Variants in APH1B observed in about 807,000 individuals in gnomAD.
APH1B encodes the protein aph-1B gamma-secretase subunit.
A neutral mutation model predicts 28.2 loss-of-function variants in APH1B; 27 were observed. That is an observed-to-expected ratio of 0.96 (90% CI 0.70 to 1.32). The LOEUF (loss-of-function observed/expected upper bound fraction) is 1.32. APH1B is among the 40% of genes most tolerant of loss of function. The pLI, the probability that APH1B is intolerant of heterozygous loss-of-function variation, is 0.00. For synonymous variants in APH1B, 141 were observed against 124.6 expected (o/e 1.13, Z -0.88); for missense variants, 305 against 313.6 (o/e 0.97, Z 0.21).
intron 2 of APH1B, among the ~76,000 whole-genome samples, chr15:63,281,134 T>TA (rs146537988): frequency 1.3e-4 from 19 of 146,500 alleles, no homozygotes; most frequent in Middle Eastern, 6.9e-3. Flanking sequence ...AGACCCTGTC[T>TA]AAAAAAAAAA....
chr15:63,288,479 C>T (rs1595760883), intron 4 of APH1B, among the ~76,000 whole-genome samples: 1 of 152,288 alleles, frequency 6.6e-6, no homozygotes, highest in East Asian at 1.9e-4. Context: ...CAGTTCAGGC[C>T]TTGACATCTC....
intron 2 of APH1B, among the ~76,000 whole-genome samples, chr15:63,286,286 T>C (rs1595760017): frequency 6.6e-6 from 1 of 152,258 alleles, no homozygotes; most frequent in Non-Finnish European, 1.5e-5. Context: ...TTTTATCTTT[T>C]TAAATTCAAT....
At chr15:63,287,645 G>C (rs1416548593) in intron 4 of APH1B, 99 bp downstream of exon 4, 3 of 1,455,968 alleles carry the variant, frequency 2.1e-6, no homozygotes, top group Non-Finnish European at 2.8e-6. Context: ...TGGAATTTAT[G>C]TTATGTCTTT....
chr15:63,290,077 A>G (rs1224050954), intron 4 of APH1B, among the ~76,000 whole-genome samples: 2 of 152,172 alleles, frequency 1.3e-5, no homozygotes, highest in East Asian at 1.9e-4. Context: ...ATATATATAG[A>G]TGCACAAATA....
At position 63,308,249 on chromosome 15, in the gene APH1B, C is replaced by T. The variant is rs1372834842; in HGVS notation, c.*2468C>T. 1 of 152,090 alleles carries T rather than the reference C, an allele frequency of 6.6e-6. No homozygotes were observed. The highest frequency in any genetic ancestry group is 6.5e-5 in the Admixed American group (1 of 15,270). 9.4% of individuals were successfully genotyped at this position (152,090 alleles called of 1,614,324 possible). A position where few individuals can be genotyped will look rare whatever the true frequency, so the allele number is the denominator to read the frequency against. On this transcript the variant is annotated 3_prime_UTR_variant, in exon 6 of 6. Transcript: ENST00000261879. The stretch of plus-strand genomic sequence containing the variant: ...CCTTAGAGAATTGTGAATATTGTTG[C>T]AATTCTTGAATATATTACCATGTGA...
chr15:63,277,912 A>G, intron 1 of APH1B, 176 bp downstream of exon 1: 1 of 637,044 alleles, frequency 1.6e-6, no homozygotes, highest in Non-Finnish European at 2.6e-6. Context: ...CCCTCTTAGG[A>G]AGAAGCGCAC....
chr15:63,281,818 T>A (rs2038392157), intron 2 of APH1B, among the ~76,000 whole-genome samples: 1 of 151,894 alleles, frequency 6.6e-6, no homozygotes, highest in Admixed American at 6.6e-5. Context: ...GGAGCAAGTG[T>A]CCACTTTTTT....
intron 1 of APH1B, chr15:63,278,440 C>G (rs1399810976): frequency 2.3e-6 from 1 of 439,756 alleles, no homozygotes; most frequent in African/African-American, 2.0e-5. Flanking sequence ...TGATGAGTCT[C>G]TCTTGGCACC....
intron 5 of APH1B, among the ~76,000 whole-genome samples, chr15:63,305,234 T>C (rs2038673938): frequency 6.6e-6 from 1 of 152,238 alleles, no homozygotes; most frequent in Admixed American, 6.5e-5. Flanking sequence ...TCCCTCATGT[T>C]CCCTTGAGTA....
intron 4 of APH1B, among the ~76,000 whole-genome samples, chr15:63,293,483 TTTC>T (rs956326112): frequency 9.3e-5 from 14 of 150,614 alleles, no homozygotes; most frequent in African/African-American, 2.0e-4. Flanking sequence ...TTTGTGTGTT[TTTC>T]TTCTTCTTCT....
intron 2 of APH1B, 116 bp from the exon 3 acceptor site, chr15:63,286,442 G>T: frequency 1.2e-6 from 1 of 819,962 alleles, no homozygotes; most frequent in East Asian, 2.9e-5. Context: ...AGTATAACCT[G>T]ATGCAAAGCC....
In APH1B at chr15:63,306,231, T is replaced by G. The variant is rs745338; in HGVS notation, c.*450T>G. On this transcript the variant is annotated 3_prime_UTR_variant, in exon 6 of 6. Transcript: ENST00000261879. The stretch of plus-strand genomic sequence containing the variant: ...ATCTGAATGTCAAATCCTGGTTATC[T>G]TTTATCTTCCTAAGTTCTGAAGTCA... The G allele has an allele frequency of 0.35, 55,396 of 157,530 alleles. 11,371 individuals carry two copies. Among genetic ancestry groups the G allele is most frequent in the Non-Finnish European group, 0.48 (34,259 of 71,394 alleles). 9.8% of individuals were successfully genotyped at this position (157,530 alleles called of 1,614,324 possible).
In APH1B at chr15:63,305,685, G is replaced by C. The variant is rs201729099; in HGVS notation, c.678G>C (p.Trp226Cys). 6.2e-7 allele frequency: 1 copy of C among 1,614,138 alleles called. No homozygotes were observed. Among genetic ancestry groups the C allele is most frequent in the Non-Finnish European group, 8.5e-7 (1 of 1,180,036 alleles). Reference protein sequence around the residue: ...AFIILVLMGTWAFLAAGGSCR... With the variant: ...AFIILVLMGTCAFLAAGGSCR... ...TAATCCTGGTGCTCATGGGCACCTG[G>C]GCATTCTTAGCTGCGGGAGGCAGCT... Residue 226 changes from tryptophan (W) to cysteine (C), a missense_variant, in exon 6 of 6, where the codon TGG becomes TGC. By Grantham distance (215) the Trp-to-Cys change is radical (BLOSUM62 -2). Transcript: ENST00000261879.
chr15:63,304,730 G>T lies in APH1B; in HGVS notation c.607-884G>T, dbSNP rs1183375238. 6.6e-6 allele frequency among the ~76,000 whole-genome samples: 1 copy of T among 152,050 alleles called. No individual in the cohort carries two copies. Among genetic ancestry groups the T allele is most frequent in the Non-Finnish European group, 1.5e-5 (1 of 68,008 alleles). Reference sequence around the variant, plus strand: ...TCTACAACAATCATGTATTGCTTTTGTAATTGTTTAAAAGAGGAAAAATGT... The same window carrying T: ...TCTACAACAATCATGTATTGCTTTTTTAATTGTTTAAAAGAGGAAAAATGT... On this transcript the variant is annotated intron_variant, in intron 5 of 5. Transcript: ENST00000261879. This position sits in a 1 kb window ranked among gnomAD's most constrained non-coding sequence, Gnocchi z 5.1.
chr15:63,305,545 T>C, intron 5 of APH1B, 69 bp from the exon 6 acceptor site: 1 of 1,549,862 alleles, frequency 6.5e-7, no homozygotes, highest in Non-Finnish European at 8.8e-7. Flanking sequence ...CTTCCCTTTA[T>C]CTTTGGTTAT....
chr15:63,299,783 T>C (rs941375614), intron 4 of APH1B, among the ~76,000 whole-genome samples: 1 of 152,038 alleles, frequency 6.6e-6, no homozygotes, highest in Non-Finnish European at 1.5e-5. Flanking sequence ...TAAACACTTC[T>C]TTCCCCACTC....
chr15:63,303,693 A>G (rs978381111), intron 5 of APH1B, among the ~76,000 whole-genome samples: 2 of 151,980 alleles, frequency 1.3e-5, no homozygotes, highest in African/African-American at 2.4e-5. Flanking sequence ...GATGAGCTCT[A>G]TGTTGCTCCG....
At chr15:63,296,462 A>C (rs991781299) in intron 4 of APH1B, among the ~76,000 whole-genome samples, 6 of 152,184 alleles carry the variant, frequency 3.9e-5, no homozygotes, top group African/African-American at 1.4e-4. Flanking sequence ...AGGTGATGGC[A>C]GTTTCTGTGC....
intron 2 of APH1B, among the ~76,000 whole-genome samples, chr15:63,280,807 A>T: frequency 6.6e-6 from 1 of 152,210 alleles, no homozygotes; most frequent in East Asian, 1.9e-4. Flanking sequence ...GGCAGTTACT[A>T]CCATTCTACA....
Sources: allele counts gnomAD v4.1 joint callset (sites outside exome capture counted in the v4.1 genomes callset), GRCh38; gene constraint gnomAD v4.1.1; non-coding constraint Gnocchi (gnomAD v3.1); transcripts MANE v1.5; gene names NCBI Gene and HGNC (gene_info 2026-07-23, HGNC 2026-07-21).